Variants in SRD5A2 observed in about 807,000 individuals in gnomAD.
SRD5A2 encodes the protein steroid 5 alpha-reductase 2, also known as 3-oxo-5-alpha-steroid 4-dehydrogenase 2.
In SRD5A2, 30 loss-of-function variants were observed where a neutral mutation model predicts 27.4. The observed-to-expected ratio is 1.10, with a 90% CI of 0.82 to 1.49. The LOEUF (loss-of-function observed/expected upper bound fraction) is 1.49. SRD5A2 is among the 40% of genes most tolerant of loss of function. The pLI is 0.00. For synonymous variants in SRD5A2, 141 were observed against 133.6 expected (o/e 1.06, Z -0.38); for missense variants, 348 against 323.4 (o/e 1.08, Z -0.58).
the SRD5A2 span, among the ~76,000 whole-genome samples, chr2:31,620,245 A>T: frequency 3.3e-5 from 5 of 152,240 alleles, no homozygotes; most frequent in South Asian, 1.0e-3. Flanking sequence ...AAATGAGCAA[A>T]AGCTGGAAGC....
At chr2:31,599,193 G>A in the SRD5A2 span, among the ~76,000 whole-genome samples, 7 of 151,942 alleles carry the variant, frequency 4.6e-5, no homozygotes, top group Admixed American at 3.9e-4. Context: ...AGTGAGAGAG[G>A]TCCCAGAACA....
the SRD5A2 span, among the ~76,000 whole-genome samples, chr2:31,645,505 G>A: frequency 2.6e-5 from 4 of 152,272 alleles, no homozygotes; most frequent in South Asian, 8.3e-4. Context: ...TCTGACAGAT[G>A]TAAATTTGAT....
rs550500418 is a variant in SRD5A2, at chr2:31,566,542, A to G, written c.281+14078T>C. The stretch of plus-strand genomic sequence containing the variant: ...GAGATCCTCTCAGATTCAAAATATT[A>G]AAAGGATAATAGTTTGGACTTTGCC... On this transcript the variant is annotated intron_variant, in intron 1 of 4. Coordinates refer to ENST00000622030, the MANE Select transcript of SRD5A2 (RefSeq NM_000348.4). 4.6e-5 allele frequency among the ~76,000 whole-genome samples: 7 copies of G among 152,342 alleles called. No individual in the cohort carries two copies. In the East Asian group the frequency reaches 9.6e-4, roughly 21 times the overall value.
chr2:31,529,170 C>G, intron 4 of SRD5A2, 137 bp downstream of exon 4: 1 of 1,266,294 alleles, frequency 7.9e-7, no homozygotes, highest in South Asian at 1.5e-5. Context: ...TCAGAATATG[C>G]TAACCCAGAT....
chr2:31,584,461 A>G (rs558596957), upstream of SRD5A2, among the ~76,000 whole-genome samples: 1 of 152,324 alleles, frequency 6.6e-6, no homozygotes, highest in East Asian at 1.9e-4. Flanking sequence ...AACAACTACT[A>G]GAGTTGAGCC....
chr2:31,613,358 T>G, the SRD5A2 span, among the ~76,000 whole-genome samples: 2 of 152,124 alleles, frequency 1.3e-5, no homozygotes, highest in African/African-American at 4.8e-5. Flanking sequence ...GCAAAGAGTC[T>G]GAACAGACAT....
At chr2:31,617,725 C>T in the SRD5A2 span, among the ~76,000 whole-genome samples, 4 of 152,222 alleles carry the variant, frequency 2.6e-5, no homozygotes, top group Non-Finnish European at 4.4e-5. Flanking sequence ...AACTTTATTC[C>T]AGTTCCCAAC....
intron 1 of SRD5A2, among the ~76,000 whole-genome samples, chr2:31,548,359 A>G (rs1453601424): frequency 6.6e-6 from 1 of 152,200 alleles, no homozygotes; most frequent in East Asian, 1.9e-4. Flanking sequence ...CAAGAGATTG[A>G]CATCCAGAAT....
chr2:31,611,189 C>A, the SRD5A2 span, among the ~76,000 whole-genome samples: 1 of 151,918 alleles, frequency 6.6e-6, no homozygotes, highest in Non-Finnish European at 1.5e-5. Flanking sequence ...TGATTTTAGC[C>A]CCCAGCCTTT....
intron 1 of SRD5A2, among the ~76,000 whole-genome samples, chr2:31,555,922 T>C (rs962735334): frequency 8.5e-5 from 13 of 152,284 alleles, no homozygotes; most frequent in East Asian, 1.9e-4. Context: ...CTGGGCAATA[T>C]AGTGAGATCA....
chr2:31,649,386 A>G, the SRD5A2 span, among the ~76,000 whole-genome samples: 1 of 152,174 alleles, frequency 6.6e-6, no homozygotes, highest in South Asian at 2.1e-4. Context: ...TTGACACCCA[A>G]CACCCACTGC....
At chr2:31,660,055 T>C in the SRD5A2 span, among the ~76,000 whole-genome samples, 3 of 152,112 alleles carry the variant, frequency 2.0e-5, no homozygotes, top group African/African-American at 7.2e-5. Flanking sequence ...CTATACACTA[T>C]AGATTTCATC....
chr2:31,549,515 G>A (rs1022034185), intron 1 of SRD5A2, among the ~76,000 whole-genome samples: 2 of 152,102 alleles, frequency 1.3e-5, no homozygotes, highest in Non-Finnish European at 2.9e-5. Context: ...TGGTTCAAAT[G>A]TTAAGTTCTA....
At chr2:31,603,937 T>C in the SRD5A2 span, among the ~76,000 whole-genome samples, 1 of 151,830 alleles carries the variant, frequency 6.6e-6, no homozygotes, top group East Asian at 1.9e-4. Context: ...GAATAGCTAA[T>C]GGATTCTGGG....
the SRD5A2 span, among the ~76,000 whole-genome samples, chr2:31,624,329 CCTTT>C: frequency 1.1e-4 from 16 of 151,620 alleles, no homozygotes; most frequent in Non-Finnish European, 2.1e-4. Flanking sequence ...TTTTACTCAT[CCTTT>C]CTGTTTTTTT....
Position 31,525,683 on chromosome 2 carries a change from A to T in SRD5A2, c.*513T>A. On this transcript the variant is annotated 3_prime_UTR_variant, in exon 5 of 5. Coordinates refer to ENST00000622030, the MANE Select transcript of SRD5A2 (RefSeq NM_000348.4). ...TCTCATCTTTCCTAATTAACCAAGA[A>T]AAAGGAAGCCATGACTGGGGTTTTC... 1 of 228,702 alleles carries T rather than the reference A, an allele frequency of 4.4e-6. No individual in the cohort carries two copies. 14.2% of individuals were successfully genotyped at this position (228,702 alleles called of 1,614,324 possible). A position where few individuals can be genotyped will look rare whatever the true frequency, so the allele number is the denominator to read the frequency against.
At chr2:31,581,348 A>C (rs1194170423), upstream of SRD5A2, among the ~76,000 whole-genome samples, 1 of 152,080 alleles carries the variant, frequency 6.6e-6, no homozygotes, top group African/African-American at 2.4e-5. Context: ...ACCCAAGCCA[A>C]GGTCTTTCCA....
intron 1 of SRD5A2, among the ~76,000 whole-genome samples, chr2:31,572,024 C>G (rs1666858096): frequency 8.7e-6 from 1 of 115,114 alleles, no homozygotes; most frequent in Non-Finnish European, 1.8e-5. Context: ...AAGACACATG[C>G]ATGTGCATGC....
chr2:31,660,546 A>G, the SRD5A2 span, among the ~76,000 whole-genome samples: 1 of 152,032 alleles, frequency 6.6e-6, no homozygotes, highest in Non-Finnish European at 1.5e-5. Context: ...TGCTGTGTCA[A>G]TGTAAGTTCA....
Sources: gnomAD v4.1 joint callset for allele counts (sites outside exome capture counted in the v4.1 genomes callset) on GRCh38, gnomAD v4.1.1 for gene constraint, MANE v1.5 for transcripts, NCBI Gene and HGNC (gene_info 2026-07-23, HGNC 2026-07-21) for gene names.